Variants in ZNF407 observed in about 807,000 individuals in gnomAD.
ZNF407 encodes zinc finger protein 407.
Under a neutral mutation model 131.2 loss-of-function variants are expected in ZNF407, and 17 were observed. That is an observed-to-expected ratio of 0.13 (90% confidence interval 0.09 to 0.19). ZNF407 has a LOEUF of 0.19. Among genes scored for constraint, ZNF407 ranks in the 10% least tolerant of loss-of-function variants. ZNF407 has a pLI of 1.00. For missense variants in ZNF407, 2,681 were observed against 2,830.6 expected (o/e 0.95, Z 1.20); for synonymous variants, 1,156 against 1,062.0 (o/e 1.09, Z -1.72).
At position 74,930,329 on chromosome 18, in the gene ZNF407, C is replaced by T. The variant is rs1338263717; in HGVS notation, c.5428+9637C>T. ...GCCTGGAGCACCTGGTGACTGAGGA[C>T]GTCCGCCTGGCCCATGGAGTGAGGT... On this transcript the variant is annotated intron_variant, in intron 8 of 8. Transcript: ENST00000299687. Among the ~76,000 whole-genome samples the T allele has an allele frequency of 3.9e-5, 6 of 152,304 alleles. No homozygotes were observed. In the East Asian group the frequency reaches 1.2e-3, roughly 29 times the overall value.
At chr18:74,648,128 G>C (rs1985059276) in intron 3 of ZNF407, among the ~76,000 whole-genome samples, 1 of 152,184 alleles carries the variant, frequency 6.6e-6, no homozygotes, top group African/African-American at 2.4e-5. Flanking sequence ...AACGACACCT[G>C]CCTCAGATGG....
At chr18:74,613,712 T>G (rs1555715404) in intron 1 of ZNF407, among the ~76,000 whole-genome samples, 1 of 152,236 alleles carries the variant, frequency 6.6e-6, no homozygotes, top group Non-Finnish European at 1.5e-5. Flanking sequence ...ATTTAGCAAA[T>G]CCAAATTTTA....
intron 8 of ZNF407, among the ~76,000 whole-genome samples, chr18:75,014,694 C>T (rs182749594): frequency 1.8e-4 from 27 of 152,028 alleles, no homozygotes; most frequent in Non-Finnish European, 2.5e-4. Context: ...CATGAGTCTC[C>T]GTTAGTCTTT....
At chr18:74,702,752 C>T (rs887956378) in intron 3 of ZNF407, among the ~76,000 whole-genome samples, 1 of 152,108 alleles carries the variant, frequency 6.6e-6, no homozygotes, top group African/African-American at 2.4e-5. Flanking sequence ...TACGTATATT[C>T]AGGCACACAT....
intron 8 of ZNF407, among the ~76,000 whole-genome samples, chr18:74,952,089 C>T (rs1972221154): frequency 6.6e-6 from 1 of 152,118 alleles, no homozygotes; most frequent in Non-Finnish European, 1.5e-5. Flanking sequence ...GACCCCTGCC[C>T]CTTATTACTA....
At chr18:74,954,380 G>A (rs1319679905) in intron 8 of ZNF407, among the ~76,000 whole-genome samples, 1 of 151,980 alleles carries the variant, frequency 6.6e-6, no homozygotes, top group Non-Finnish European at 1.5e-5. Flanking sequence ...TGATTAAATA[G>A]CTATATGATT....
At chr18:74,971,394 A>C (rs1374392981) in intron 8 of ZNF407, among the ~76,000 whole-genome samples, 2 of 152,198 alleles carry the variant, frequency 1.3e-5, no homozygotes, top group Non-Finnish European at 2.9e-5. Flanking sequence ...TGCTTCCCTT[A>C]TAAAACTGAA....
intron 8 of ZNF407, among the ~76,000 whole-genome samples, chr18:75,034,631 G>C (rs2122229195): frequency 6.6e-6 from 1 of 151,558 alleles, no homozygotes; most frequent in South Asian, 2.1e-4. Flanking sequence ...AGGCTTCATT[G>C]GTAGGATGTA....
rs749991879 is a variant in ZNF407, at chr18:74,906,930, ATG to A, written c.5250-13577_5250-13576del. On this transcript the variant is annotated intron_variant, in intron 7 of 8. Transcript: ENST00000299687. The stretch of plus-strand genomic sequence containing the variant: ...TATTTTATAAGTGCCATAGATGTAT[ATG>A]TGTGTGCACACACACTGTATGTGTA... 3.3e-5 allele frequency among the ~76,000 whole-genome samples: 5 copies of A among 152,190 alleles called. No homozygotes were observed. The East Asian group carries it at 5.8e-4, about 18-fold the overall frequency.
chr18:74,803,924 C>T (rs1970065034), intron 4 of ZNF407: 1 of 1,547,270 alleles, frequency 6.5e-7, no homozygotes, highest in Admixed American at 2.0e-5. Flanking sequence ...GCCTTGAAAA[C>T]ATGAAGCAAT....
chr18:74,644,440 A>G (rs1984874314), intron 3 of ZNF407, among the ~76,000 whole-genome samples: 2 of 151,870 alleles, frequency 1.3e-5, no homozygotes, highest in Admixed American at 1.3e-4. Context: ...GCATATTTTT[A>G]TTACATCCAT....
intron 3 of ZNF407, among the ~76,000 whole-genome samples, chr18:74,778,120 A>C (rs1212795914): frequency 6.6e-6 from 1 of 152,198 alleles, no homozygotes; most frequent in Non-Finnish European, 1.5e-5. Context: ...TCCCACTCAG[A>C]ATAAAAGCTG....
At chr18:74,949,370 A>T (rs2145277500) in intron 8 of ZNF407, among the ~76,000 whole-genome samples, 1 of 152,340 alleles carries the variant, frequency 6.6e-6, no homozygotes, top group South Asian at 2.1e-4. Context: ...GAAAGAAACA[A>T]CTTTATATTA....
intron 3 of ZNF407, among the ~76,000 whole-genome samples, chr18:74,655,420 C>G (rs1985408236): frequency 1.3e-5 from 2 of 151,782 alleles, no homozygotes; most frequent in African/African-American, 4.8e-5. Context: ...ATATACATTA[C>G]CTTATGGAGT....
chr18:74,939,659 A>C (rs1286596930), intron 8 of ZNF407, among the ~76,000 whole-genome samples: 1 of 152,234 alleles, frequency 6.6e-6, no homozygotes, highest in African/African-American at 2.4e-5. Flanking sequence ...CCATTGATGA[A>C]GCCTATGGAG....
At chr18:74,896,358 A>G (rs759862027) in intron 7 of ZNF407, among the ~76,000 whole-genome samples, 1 of 152,212 alleles carries the variant, frequency 6.6e-6, no homozygotes, top group Non-Finnish European at 1.5e-5. Flanking sequence ...GTAACTGCCA[A>G]TCTAGTCGAT....
chr18:74,639,655 C>T (rs1354787352), intron 2 of ZNF407, among the ~76,000 whole-genome samples: 1 of 152,166 alleles, frequency 6.6e-6, no homozygotes, highest in East Asian at 1.9e-4. Context: ...CTACTTCTAA[C>T]AGCAGAAATG....
intron 3 of ZNF407, among the ~76,000 whole-genome samples, chr18:74,732,139 G>A (rs1429903320): frequency 2.6e-5 from 4 of 152,084 alleles, no homozygotes; most frequent in Admixed American, 2.0e-4. Flanking sequence ...TTTATTATTT[G>A]GACTTCAGTT....
intron 8 of ZNF407, among the ~76,000 whole-genome samples, chr18:74,963,492 A>G (rs531627187): frequency 6.7e-4 from 102 of 152,286 alleles, no homozygotes; most frequent in African/African-American, 2.3e-3. Flanking sequence ...CATTGTTAAG[A>G]ACTACTCGAT....
Sources: allele counts gnomAD v4.1 joint callset (sites outside exome capture counted in the v4.1 genomes callset), GRCh38; gene constraint gnomAD v4.1.1; transcripts MANE v1.5; gene names NCBI Gene and HGNC (gene_info 2026-07-23, HGNC 2026-07-21).